KLHL29: variants seen among roughly 807,000 people sequenced by gnomAD.
The protein encoded by KLHL29 is kelch-like protein 29.
Under a neutral mutation model 80.4 loss-of-function variants are expected in KLHL29, and 21 were observed. The ratio of observed to expected loss-of-function variants is 0.26; its 90% CI spans 0.19 to 0.38. The LOEUF (loss-of-function observed/expected upper bound fraction) is 0.38. Ranked by LOEUF, KLHL29 falls within the 10% of genes least tolerant of loss-of-function variation. The pLI, the probability that KLHL29 is intolerant of heterozygous loss-of-function variation, is 1.00. For missense variants in KLHL29, 867 were observed against 1,223.9 expected, an observed-to-expected ratio of 0.71 and a Z score of 4.35; for synonymous variants, 511 against 526.8, an observed-to-expected ratio of 0.97 and a Z score of 0.41.
chr2:23,407,807 A>T (rs1666768550), intron 1 of KLHL29, among the ~76,000 whole-genome samples: 1 of 152,056 alleles, frequency 6.6e-6, no homozygotes, highest in Admixed American at 6.6e-5. Context: ...ACTTTTTCTT[A>T]ATAGTCATTT....
chr2:23,516,703 G>T (rs1468712380), intron 2 of KLHL29, among the ~76,000 whole-genome samples: 1 of 152,244 alleles, frequency 6.6e-6, no homozygotes, highest in African/African-American at 2.4e-5. Flanking sequence ...TAGGCAAGGG[G>T]CTGGGAAGTG....
chr2:23,580,654 G>T lies in KLHL29; in HGVS notation c.285+18173G>T, dbSNP rs560541454. ...CACGCCACTGCACTCCAGCCTGGGT[G>T]ACAGAGTGAGACTCCGTCTCATAAA... On this transcript the variant is annotated intron_variant, in intron 3 of 13. Transcript: ENST00000486442. 8.8e-3 allele frequency among the ~76,000 whole-genome samples: 571 copies of T among 64,576 alleles called. 39 individuals are homozygous for T. Among genetic ancestry groups the T allele is most frequent in the African/African-American group, 0.02 (544 of 26,768 alleles). 42.4% of individuals were successfully genotyped at this position (64,576 alleles called of 152,430 possible). A position where few individuals can be genotyped will look rare whatever the true frequency, so the allele number is the denominator to read the frequency against.
intron 3 of KLHL29, among the ~76,000 whole-genome samples, chr2:23,564,992 C>T (rs995635741): frequency 2.6e-5 from 4 of 152,224 alleles, no homozygotes; most frequent in Non-Finnish European, 4.4e-5. Context: ...GTTACCTAAC[C>T]TCTCTGGGCG....
At chr2:23,618,595 C>T (rs759502098) in intron 3 of KLHL29, among the ~76,000 whole-genome samples, 1 of 152,212 alleles carries the variant, frequency 6.6e-6, no homozygotes, top group African/African-American at 2.4e-5. Context: ...GGCTTTTGGA[C>T]TGGAACTATA....
chr2:23,451,821 G>T (rs536054778), intron 1 of KLHL29, among the ~76,000 whole-genome samples: 19 of 152,310 alleles, frequency 1.2e-4, no homozygotes, highest in African/African-American at 4.6e-4. Flanking sequence ...CTATAAAGAA[G>T]TACCTGAAGC....
chr2:23,492,867 C>T (rs1157662154), intron 2 of KLHL29, among the ~76,000 whole-genome samples: 6 of 152,118 alleles, frequency 3.9e-5, no homozygotes, highest in East Asian at 1.9e-4. Context: ...CCCTCCTTAC[C>T]GTAGCCTCAC....
intron 3 of KLHL29, among the ~76,000 whole-genome samples, chr2:23,571,809 G>T (rs1667722970): frequency 6.6e-6 from 1 of 152,162 alleles, no homozygotes; most frequent in Non-Finnish European, 1.5e-5. Flanking sequence ...CCTTGGTACT[G>T]CTTTGCTCTA....
rs545855768 is a variant in KLHL29, at chr2:23,596,432, G to T, written c.285+33951G>T. 1.5e-4 allele frequency among the ~76,000 whole-genome samples: 23 copies of T among 152,270 alleles called. No individual in the cohort carries two copies. Among genetic ancestry groups the T allele is most frequent in the African/African-American group, 4.6e-4 (19 of 41,568 alleles). ...CATCCCAGGGGAGAGGAAGGAACCC[G>T]TTTCATAAGCGCACTCACGTTGGAG... is the stretch of plus-strand genomic sequence containing the variant. On this transcript the variant is annotated intron_variant, in intron 3 of 13. Transcript: ENST00000486442. The surrounding 1 kb of genome is among the most constrained non-coding windows in gnomAD (Gnocchi z 4.4).
At position 23,643,151 on chromosome 2, in the gene KLHL29, C is replaced by T. The variant is rs1320939009; in HGVS notation, c.940+301C>T. 7.3e-6 allele frequency: 4 copies of T among 547,616 alleles called. No individual in the cohort carries two copies. In the Admixed American group the frequency reaches 1.1e-4, roughly 15 times the overall value. 33.9% of individuals were successfully genotyped at this position (547,616 alleles called of 1,614,324 possible). A position where few individuals can be genotyped will look rare whatever the true frequency, so the allele number is the denominator to read the frequency against. ...CCCTCCAGCCCAAGCCCTGGCCATT[C>T]TCACCTCCAACCCCCAAGGCCAGGC... is the stretch of plus-strand genomic sequence containing the variant. On this transcript the variant is annotated intron_variant, in intron 5 of 13. Transcript: ENST00000486442.
intron 5 of KLHL29, among the ~76,000 whole-genome samples, chr2:23,663,679 A>G (rs990904186): frequency 2.0e-5 from 3 of 152,234 alleles, no homozygotes; most frequent in African/African-American, 7.2e-5. Flanking sequence ...TGTGTTCTCA[A>G]TGTGCTGATG....
chr2:23,622,636 T>C (rs888590394), intron 3 of KLHL29, among the ~76,000 whole-genome samples: 1 of 152,192 alleles, frequency 6.6e-6, no homozygotes, highest in African/African-American at 2.4e-5. Context: ...TTCCCCTGCC[T>C]GGAATGCTCA....
intron 3 of KLHL29, among the ~76,000 whole-genome samples, chr2:23,633,086 G>A (rs1168981191): frequency 6.6e-6 from 1 of 152,196 alleles, no homozygotes; most frequent in African/African-American, 2.4e-5. Context: ...AGGTGGGATG[G>A]GCACACCAAA....
intron 2 of KLHL29, among the ~76,000 whole-genome samples, chr2:23,479,294 C>T (rs1014161020): frequency 6.6e-6 from 1 of 151,582 alleles, no homozygotes; most frequent in Non-Finnish European, 1.5e-5. Context: ...AACCCTCAGC[C>T]CTACACAGGC....
intron 11 of KLHL29, among the ~76,000 whole-genome samples, chr2:23,702,516 C>T (rs964594226): frequency 2.6e-5 from 4 of 152,192 alleles, no homozygotes; most frequent in African/African-American, 4.8e-5. Context: ...GCCTACTGCT[C>T]TCCCTTCACC....
intron 1 of KLHL29, among the ~76,000 whole-genome samples, chr2:23,473,048 A>G (rs1664540752): frequency 6.6e-6 from 1 of 152,206 alleles, no homozygotes; most frequent in Non-Finnish European, 1.5e-5. Context: ...GCCTTTGAGC[A>G]TAATGGTCAG....
At chr2:23,497,764 A>G (rs561380801) in intron 2 of KLHL29, among the ~76,000 whole-genome samples, 4 of 152,196 alleles carry the variant, frequency 2.6e-5, no homozygotes, top group Admixed American at 2.0e-4. Flanking sequence ...TGGTGCGTGC[A>G]TGTGACCTGA....
intron 2 of KLHL29, among the ~76,000 whole-genome samples, chr2:23,551,052 G>A (rs556399885): frequency 7.1e-4 from 108 of 152,244 alleles, no homozygotes; most frequent in Non-Finnish European, 1.2e-3. Flanking sequence ...AGAACAAGCA[G>A]TTAGAAGGAG....
intron 5 of KLHL29, among the ~76,000 whole-genome samples, chr2:23,666,122 A>G (rs1356887651): frequency 6.6e-6 from 1 of 152,196 alleles, no homozygotes; most frequent in Non-Finnish European, 1.5e-5. Flanking sequence ...GTCAACAAAA[A>G]TGTACTGAGC....
intron 5 of KLHL29, among the ~76,000 whole-genome samples, chr2:23,673,443 G>A (rs1670826830): frequency 7.2e-6 from 1 of 138,586 alleles, no homozygotes; most frequent in Non-Finnish European, 1.6e-5. Context: ...CACACCACAT[G>A]CTGTCTCTCT....
Sources: gnomAD v4.1 joint callset for allele counts (sites outside exome capture counted in the v4.1 genomes callset) on GRCh38, gnomAD v4.1.1 for gene constraint, Gnocchi (gnomAD v3.1) non-coding constraint, MANE v1.5 for transcripts, NCBI Gene and HGNC (gene_info 2026-07-23, HGNC 2026-07-21) for gene names.